Variants in ADGRL2 observed in about 807,000 individuals in gnomAD.
ADGRL2 encodes calcium-independent alpha-latrotoxin receptor 2.
In ADGRL2, 44 loss-of-function variants were observed where a neutral mutation model predicts 157.4. That is an observed-to-expected ratio of 0.28 (90% CI 0.22 to 0.36). The LOEUF is 0.36. Ranked by LOEUF, ADGRL2 falls within the 10% of genes least tolerant of loss-of-function variation. The pLI, the probability that ADGRL2 is intolerant of heterozygous loss-of-function variation, is 1.00. For synonymous variants in ADGRL2, 585 were observed against 624.7 expected (o/e 0.94, Z 0.95); for missense variants, 1,510 against 1,768.9 (o/e 0.85, Z 2.63).
chr1:81,592,011 TA>T (rs1353094229), intron 3 of ADGRL2, among the ~76,000 whole-genome samples: 1 of 152,232 alleles, frequency 6.6e-6, no homozygotes, highest in Non-Finnish European at 1.5e-5. Flanking sequence ...TGTGTTGTTT[TA>T]AGCTGCCTAA....
intron 3 of ADGRL2, among the ~76,000 whole-genome samples, chr1:81,593,970 A>G (rs1359707662): frequency 6.6e-6 from 1 of 152,178 alleles, no homozygotes; most frequent in African/African-American, 2.4e-5. Context: ...GCTTCTATAT[A>G]TTTCTGCACA....
chr1:81,700,433 C>T (rs1323483461), intron 1 of ADGRL2, among the ~76,000 whole-genome samples: 2 of 152,142 alleles, frequency 1.3e-5, no homozygotes. Context: ...TTCCTAATCT[C>T]CCTGATTTTG....
chr1:81,554,527 G>A (rs1446227798), intron 2 of ADGRL2, among the ~76,000 whole-genome samples: 1 of 151,676 alleles, frequency 6.6e-6, no homozygotes, highest in East Asian at 1.9e-4. Flanking sequence ...TAAAGAAATG[G>A]CAATAACTGG....
chr1:81,908,037 A>AT (rs2094623049), intron 3 of ADGRL2, among the ~76,000 whole-genome samples: 1 of 152,122 alleles, frequency 6.6e-6, no homozygotes, highest in Non-Finnish European at 1.5e-5. Context: ...TATCTTTTCT[A>AT]TTTTAAATGT....
chr1:81,863,928 G>T lies in ADGRL2; in HGVS notation c.73+26871G>T, dbSNP rs549329985. ...AGAGCAGTAGATACTTTCTTTTTCA[G>T]CAATTTTAAGTGTTTATTGGAACAA... On this transcript the variant is annotated intron_variant, in intron 2 of 23. Coordinates refer to ENST00000686636, the MANE Select transcript of ADGRL2 (RefSeq NM_001366006.2). 2.6e-5 allele frequency among the ~76,000 whole-genome samples: 4 copies of T among 152,110 alleles called. No homozygotes were observed. In the South Asian group the frequency reaches 8.3e-4, roughly 32 times the overall value.
At chr1:81,621,709 C>T (rs963913674) in intron 3 of ADGRL2, among the ~76,000 whole-genome samples, 15 of 152,214 alleles carry the variant, frequency 9.9e-5, no homozygotes, top group African/African-American at 3.6e-4. Context: ...GAGGACTTGT[C>T]TAAACTATGC....
At chr1:81,557,449 G>GAA (rs1553123661) in intron 2 of ADGRL2, 6 of 44,598 alleles carry the variant, frequency 1.3e-4, no homozygotes, top group Non-Finnish European at 3.1e-4. Context: ...GAAAGAAAGA[G>GAA]AGAAAGAAAG....
intron 2 of ADGRL2, among the ~76,000 whole-genome samples, chr1:81,793,427 G>C (rs1338571812): frequency 6.6e-6 from 1 of 152,086 alleles, no homozygotes; most frequent in Non-Finnish European, 1.5e-5. Context: ...CTCTATGCAA[G>C]AGTTCTATGT....
chr1:81,413,636 G>A (rs1432291916), intron 1 of ADGRL2, among the ~76,000 whole-genome samples: 3 of 152,028 alleles, frequency 2.0e-5, no homozygotes, highest in Non-Finnish European at 4.4e-5. Flanking sequence ...TACTTATCAG[G>A]GTTTAAAAAT....
chr1:81,569,605 C>T (rs572167645), intron 2 of ADGRL2, among the ~76,000 whole-genome samples: 2 of 152,122 alleles, frequency 1.3e-5, no homozygotes, highest in South Asian at 2.1e-4. Flanking sequence ...GCCAGGAGTT[C>T]GAGACCAGCC....
At chr1:81,987,433 G>A (rs1377819258) in intron 22 of ADGRL2, 1 of 829,618 alleles carries the variant, frequency 1.2e-6, no homozygotes, top group Middle Eastern at 2.2e-4. Context: ...AAGATAATTT[G>A]GATGCCTAGC....
rs139094787 is a variant in ADGRL2 at position 81,407,181 on chromosome 1, A to T, written c.-301-37855A>T. 1.7e-3 allele frequency among the ~76,000 whole-genome samples: 258 copies of T among 152,250 alleles called. 1 individual carries two copies. Among genetic ancestry groups the T allele is most frequent in the African/African-American group, 6.0e-3 (251 of 41,554 alleles). ...GACCACCCTATTGTTCATTTGTTTG[A>T]CATGTGGAGATATTTGTAATCTGTT... On this transcript the variant is annotated intron_variant, in intron 1 of 24. Coordinates refer to the ADGRL2 transcript ENST00000370721.
At chr1:81,679,803 G>C (rs2083071484) in intron 3 of ADGRL2, among the ~76,000 whole-genome samples, 1 of 152,148 alleles carries the variant, frequency 6.6e-6, no homozygotes, top group African/African-American at 2.4e-5. Flanking sequence ...TTCTGAATTT[G>C]GGGCCAATGG....
At chr1:81,581,767 G>T (rs2080914855) in intron 3 of ADGRL2, among the ~76,000 whole-genome samples, 1 of 151,826 alleles carries the variant, frequency 6.6e-6, no homozygotes, top group African/African-American at 2.4e-5. Context: ...GTTGCATGTA[G>T]GTTTAAACCA....
chr1:81,755,107 A>G (rs139224733), intron 1 of ADGRL2, among the ~76,000 whole-genome samples: 3 of 148,184 alleles, frequency 2.0e-5, no homozygotes, highest in Non-Finnish European at 4.4e-5. Flanking sequence ...TAGGGCACAT[A>G]AGTTCTCTTT....
intron 2 of ADGRL2, among the ~76,000 whole-genome samples, chr1:81,765,498 T>C (rs1218102316): frequency 6.6e-6 from 1 of 151,998 alleles, no homozygotes; most frequent in African/African-American, 2.4e-5. Flanking sequence ...TAAACTAAAT[T>C]GAAATGCAAA....
intron 3 of ADGRL2, among the ~76,000 whole-genome samples, chr1:81,925,969 G>T (rs574232070): frequency 9.9e-5 from 15 of 151,996 alleles, no homozygotes; most frequent in African/African-American, 3.6e-4. Flanking sequence ...TAAAATAGCC[G>T]CAACACAAAT....
In ADGRL2 at chr1:81,372,816, T is replaced by G. The variant is rs911652981; in HGVS notation, c.-302+66307T>G. Among the ~76,000 whole-genome samples the G allele has an allele frequency of 6.6e-5, 10 of 152,192 alleles. No homozygotes were observed. The East Asian group carries it at 1.3e-3, about 21-fold the overall frequency. On this transcript the variant is annotated intron_variant, in intron 1 of 24. Transcript: ENST00000370721. ...CTGACCCAGGCACACAGATTGATGATGTACTCCCATATTATTTTGCTTAAT... is the reference window on the plus strand; with the variant it reads ...CTGACCCAGGCACACAGATTGATGAGGTACTCCCATATTATTTTGCTTAAT...
At chr1:81,817,625 C>G (rs2090543398) in intron 1 of ADGRL2, among the ~76,000 whole-genome samples, 1 of 151,900 alleles carries the variant, frequency 6.6e-6, no homozygotes, top group African/African-American at 2.4e-5. Context: ...GAATTCAAGA[C>G]TATATTAATC....
Sources: gnomAD v4.1 joint callset for allele counts (sites outside exome capture counted in the v4.1 genomes callset) on GRCh38, gnomAD v4.1.1 for gene constraint, MANE v1.5 for transcripts, NCBI Gene and HGNC (gene_info 2026-07-23, HGNC 2026-07-21) for gene names.